The following CDH5 variants were observed in gnomAD, a reference collection of about 807,000 sequenced individuals.
The protein encoded by CDH5 is cadherin 5.
Under a neutral mutation model 62.0 loss-of-function variants are expected in CDH5, and 28 were observed. The observed-to-expected ratio is 0.45, with a 90% CI of 0.33 to 0.62. The LOEUF (loss-of-function observed/expected upper bound fraction) is 0.62, where lower values mean the gene tolerates loss of function less well. CDH5 is among the 20% of genes least tolerant of loss of function. The pLI is 0.02. For missense variants in CDH5, 940 were observed against 1,065.1 expected (o/e 0.88, Z 1.63); for synonymous variants, 464 against 445.8 (o/e 1.04, Z -0.52).
At chr16:66,386,704 C>T (rs1001436804) in intron 2 of CDH5, 105 bp from the exon 3 acceptor site, 5 of 998,890 alleles carry the variant, frequency 5.0e-6, no homozygotes, top group Non-Finnish European at 7.5e-6. Context: ...ACACACACCA[C>T]ATACACACAT....
At chr16:66,376,812 T>C (rs1438391719) in intron 1 of CDH5, among the ~76,000 whole-genome samples, 1 of 152,172 alleles carries the variant, frequency 6.6e-6, no homozygotes, top group Non-Finnish European at 1.5e-5. Context: ...CGTTTCCTCA[T>C]TGACTTATTT....
rs115858215 is a variant in CDH5 at position 66,382,744 on chromosome 16, A to G, written c.210+3197A>G. Among the ~76,000 whole-genome samples, 432 of 152,230 alleles carry G rather than the reference A, an allele frequency of 2.8e-3. 2 individuals carry two copies. The highest frequency in any genetic ancestry group is 0.01 in the African/African-American group (419 of 41,552). On this transcript the variant is annotated intron_variant, in intron 2 of 11. Transcript: ENST00000341529. ...ACAAGGGGTCGTCACGCTGGGAAGA[A>G]ACAAGGGTGCCTGGAAAAGACAAGG...
chr16:66,391,153 A>G (rs1292772943), intron 6 of CDH5, among the ~76,000 whole-genome samples: 2 of 152,180 alleles, frequency 1.3e-5, no homozygotes, highest in Non-Finnish European at 2.9e-5. Flanking sequence ...TGCCTCTGGA[A>G]TGGCCATGCA....
In CDH5 at chr16:66,394,687, T is replaced by G. The variant is rs948012241; in HGVS notation, c.1218-1372T>G. Among the ~76,000 whole-genome samples the G allele has an allele frequency of 2.4e-4, 37 of 152,288 alleles. No homozygotes were observed. The East Asian group carries it at 6.6e-3, about 27-fold the overall frequency. On this transcript the variant is annotated intron_variant, in intron 7 of 11. Transcript: ENST00000341529. ...ACCTATATTTTCTAGTTAAAACTATTATAGACATACACACACCCATTGCTT... is the reference window on the plus strand; with the variant it reads ...ACCTATATTTTCTAGTTAAAACTATGATAGACATACACACACCCATTGCTT...
chr16:66,402,684 C>T lies in CDH5; in HGVS notation c.1870C>T (p.Leu624Phe). The T allele has an allele frequency of 6.9e-6, 11 of 1,605,216 alleles. No homozygotes were observed. The highest frequency in any genetic ancestry group is 7.6e-6 in the Non-Finnish European group (9 of 1,177,184). ...CCTGCTCATCTTCCTGCGGCGGCGG[C>T]TCCGGAAGCAGGCCCGCGCGCACGG... ...ITLLIFLRRR[L>F]RKQARAHGKS... The change falls in exon 12 of 12, where the codon CTC becomes TTC. Residue 624 changes from leucine (L) to phenylalanine (F), a missense_variant. Leu to Phe is a conservative substitution (Grantham distance 22, BLOSUM62 0). Coordinates refer to ENST00000341529, the MANE Select transcript of CDH5 (RefSeq NM_001795.5).
At chr16:66,402,418 G>A (rs1253597727) in intron 11 of CDH5, among the ~76,000 whole-genome samples, 1 of 47,196 alleles carries the variant, frequency 2.1e-5, no homozygotes, top group Admixed American at 1.7e-4. Context: ...GGCAGGGACG[G>A]GGTGTGGGGT....
chr16:66,385,777 A>T (rs563373248), intron 2 of CDH5, among the ~76,000 whole-genome samples: 16 of 152,386 alleles, frequency 1.0e-4, no homozygotes, highest in South Asian at 4.1e-4. Flanking sequence ...GAAGCGATGA[A>T]TTCTGAGAAT....
intron 1 of CDH5, among the ~76,000 whole-genome samples, chr16:66,371,168 G>A (rs1395509720): frequency 6.6e-6 from 1 of 152,176 alleles, no homozygotes; most frequent in South Asian, 2.1e-4. Context: ...CCGCCAATAC[G>A]CAACTTTAAA....
At chr16:66,389,114 C>A (rs1393266322) in intron 4 of CDH5, among the ~76,000 whole-genome samples, 2 of 152,188 alleles carry the variant, frequency 1.3e-5, no homozygotes, top group Non-Finnish European at 2.9e-5. Flanking sequence ...GATATGGCCT[C>A]ATGGTCTTTG....
At chr16:66,383,861 C>T (rs1211382679) in intron 2 of CDH5, among the ~76,000 whole-genome samples, 2 of 152,114 alleles carry the variant, frequency 1.3e-5, no homozygotes, top group African/African-American at 2.4e-5. Context: ...TCCCTGTCTC[C>T]ACTTCCTCCC....
At chr16:66,392,436 C>G in intron 7 of CDH5, 53 bp downstream of exon 7, 2 of 1,602,542 alleles carry the variant, frequency 1.2e-6, no homozygotes, top group Non-Finnish European at 1.7e-6. Context: ...CCTGGATGTT[C>G]CTATGCCTGC....
Position 66,390,461 on chromosome 16 carries a change from G to T in CDH5, c.840G>T (p.Leu280=), listed in dbSNP as rs371429307. 6 of 1,614,018 alleles carry T rather than the reference G, an allele frequency of 3.7e-6. No homozygotes were observed. In the African/African-American group the frequency reaches 8.0e-5, roughly 22 times the overall value. ...DTRVGTSVGS[L]FVEDPDEPQN... ...GTGTGGGCACCTCTGTGGGCTCTCTGTTTGTTGAGGACCCAGATGAGCCCC... is the reference window on the plus strand; with the variant it reads ...GTGTGGGCACCTCTGTGGGCTCTCTTTTTGTTGAGGACCCAGATGAGCCCC... Residue 280 remains leucine (L), a synonymous_variant, in exon 6 of 12, where the codon CTG becomes CTT. Transcript: ENST00000341529.
intron 11 of CDH5, 116 bp from the exon 12 acceptor site, chr16:66,402,534 ATG>A: frequency 1.4e-6 from 1 of 721,294 alleles, no homozygotes; most frequent in Non-Finnish European, 2.0e-6. Flanking sequence ...GGCCAAAGGG[ATG>A]GGCATGCTGG....
In CDH5 at chr16:66,401,026, G is replaced by T. The variant is rs773642652; in HGVS notation, c.1837+10G>T. On this transcript the variant is annotated intron_variant, in intron 11 of 11. Transcript: ENST00000341529. ...ATCCTCACCATCACAGGTCAGTGCT[G>T]GGCAGGGTGGGGAGAAGACACAGTG... The T allele has an allele frequency of 1.9e-6, 3 of 1,613,698 alleles. No homozygotes were observed. The highest frequency in any genetic ancestry group is 2.5e-6 in the Non-Finnish European group (3 of 1,180,038).
At chr16:66,395,463 T>A (rs1961162814) in intron 7 of CDH5, 1 of 150,596 alleles carries the variant, frequency 6.6e-6, no homozygotes, top group Non-Finnish European at 1.5e-5. Context: ...TTATAATGTG[T>A]AGACTCAAGC....
chr16:66,390,754 G>C (rs1961070341), intron 6 of CDH5, among the ~76,000 whole-genome samples, 164 bp downstream of exon 6: 1 of 152,174 alleles, frequency 6.6e-6, no homozygotes, highest in Admixed American at 6.5e-5. Context: ...CTTAGGCCGA[G>C]TTACTTGGGA....
chr16:66,395,902 T>A, intron 7 of CDH5, 157 bp from the exon 8 acceptor site: 1 of 660,584 alleles, frequency 1.5e-6, no homozygotes, highest in Non-Finnish European at 2.6e-6. Flanking sequence ...TCTGTGTAGG[T>A]CCACTCTTGT....
chr16:66,395,021 T>C, intron 7 of CDH5, among the ~76,000 whole-genome samples: 1 of 44,528 alleles, frequency 2.2e-5, no homozygotes, highest in African/African-American at 1.1e-4. Context: ...GGCTAATCTT[T>C]TTTTTTTTTT....
intron 1 of CDH5, among the ~76,000 whole-genome samples, chr16:66,378,677 T>C (rs1395075678): frequency 6.6e-6 from 1 of 152,190 alleles, no homozygotes; most frequent in Non-Finnish European, 1.5e-5. Flanking sequence ...ACCCTCTTCC[T>C]GGAGACCTTC....
Sources: gnomAD v4.1 joint callset for allele counts (sites outside exome capture counted in the v4.1 genomes callset) on GRCh38, gnomAD v4.1.1 for gene constraint, MANE v1.5 for transcripts, NCBI Gene and HGNC (gene_info 2026-07-23, HGNC 2026-07-21) for gene names.